Variants in NAV2 observed in about 807,000 individuals in gnomAD.
NAV2 encodes the protein helicase, APC down-regulated 1.
In NAV2, 54 loss-of-function variants were observed where a neutral mutation model predicts 223.2. The observed-to-expected ratio is 0.24, with a 90% CI of 0.19 to 0.30. The LOEUF (loss-of-function observed/expected upper bound fraction) is 0.30. Ranked by LOEUF, NAV2 falls within the 10% of genes least tolerant of loss-of-function variation. The probability of loss-of-function intolerance (pLI) is 1.00; values close to 1 mark genes in which losing one functional copy is unlikely to be tolerated. For missense variants in NAV2, 2,806 were observed against 3,147.5 expected, an observed-to-expected ratio of 0.89 and a Z score of 2.60; for synonymous variants, 1,279 against 1,239.3, an observed-to-expected ratio of 1.03 and a Z score of -0.67.
intron 1 of NAV2, among the ~76,000 whole-genome samples, chr11:19,445,330 C>G (rs1851544690): frequency 6.6e-6 from 1 of 152,082 alleles, no homozygotes; most frequent in South Asian, 2.1e-4. Flanking sequence ...GCAGGTAGAG[C>G]ACTGTGCTGG....
chr11:19,851,074 A>G (rs2061092189), intron 3 of NAV2, among the ~76,000 whole-genome samples: 1 of 152,174 alleles, frequency 6.6e-6, no homozygotes, highest in Admixed American at 6.5e-5. Context: ...ACTGGTTTAG[A>G]TATTTTATCT....
chr11:20,021,480 A>C (rs948336998), intron 11 of NAV2, among the ~76,000 whole-genome samples: 1 of 152,198 alleles, frequency 6.6e-6, no homozygotes, highest in African/African-American at 2.4e-5. Flanking sequence ...CTCCATACAC[A>C]CAATCACCAT....
Position 19,416,582 on chromosome 11 carries a change from T to C in NAV2, c.75+65555T>C, listed in dbSNP as rs1415232645. On this transcript the variant is annotated intron_variant, in intron 1 of 37. Transcript: ENST00000360655. Reference sequence around the variant, plus strand: ...GCTACCATTGACTTTCTTCACAGAATTAGAAAAAAACTACTTTAAATTTCA... The same window carrying C: ...GCTACCATTGACTTTCTTCACAGAACTAGAAAAAAACTACTTTAAATTTCA... 2.6e-5 allele frequency among the ~76,000 whole-genome samples: 4 copies of C among 152,288 alleles called. No individual in the cohort carries two copies. The South Asian group carries it at 8.3e-4, about 32-fold the overall frequency.
At chr11:20,072,938 G>T (rs1376578884) in intron 22 of NAV2, among the ~76,000 whole-genome samples, 1 of 152,112 alleles carries the variant, frequency 6.6e-6, no homozygotes, top group Non-Finnish European at 1.5e-5. Flanking sequence ...TCCTTCTCTT[G>T]CTTGATTGCC....
intron 1 of NAV2, among the ~76,000 whole-genome samples, chr11:19,442,438 A>G (rs1265456248): frequency 6.6e-6 from 1 of 152,274 alleles, no homozygotes; most frequent in Non-Finnish European, 1.5e-5. Flanking sequence ...GGAATCACTC[A>G]AAACCAAAGG....
In NAV2 at chr11:20,054,115, A is replaced by G. The variant is rs202037355; in HGVS notation, c.4517A>G (p.Asp1506Gly). Reference sequence around the variant, plus strand: ...ACCTCCCAGCTTCGCACGCAAGAAGATGCAAAAGAATGGTTACGGTCCCAT... The same window carrying G: ...ACCTCCCAGCTTCGCACGCAAGAAGGTGCAAAAGAATGGTTACGGTCCCAT... The part of the protein sequence containing the change: ...TPTSQLRTQE[D>G]AKEWLRSHSA... The change falls in exon 18 of 38, where the codon GAT becomes GGT. Residue 1506 changes from aspartate to glycine, a missense_variant. Coordinates refer to ENST00000349880, the MANE Select transcript of NAV2 (RefSeq NM_145117.5). 1,582 of 1,612,724 alleles carry G rather than the reference A, an allele frequency of 9.8e-4. 2 individuals are homozygous for G. The highest frequency in any genetic ancestry group is 1.2e-3 in the Non-Finnish European group (1,426 of 1,179,786).
chr11:19,670,199 A>G (rs900726140), intron 1 of NAV2, among the ~76,000 whole-genome samples: 5 of 152,172 alleles, frequency 3.3e-5, no homozygotes, highest in South Asian at 4.1e-4. Context: ...CACTCACAGC[A>G]GTGACTCCCA....
At chr11:20,005,399 C>T (rs1052358774) in intron 11 of NAV2, among the ~76,000 whole-genome samples, 1 of 151,730 alleles carries the variant, frequency 6.6e-6, no homozygotes, top group Non-Finnish European at 1.5e-5. Context: ...GCGTCTGCCA[C>T]CAAGCCCAGC....
chr11:19,743,919 G>A (rs2053093728), intron 1 of NAV2, among the ~76,000 whole-genome samples: 1 of 152,208 alleles, frequency 6.6e-6, no homozygotes. Flanking sequence ...CTAATGCTAA[G>A]CCCATCTCAC....
chr11:19,744,240 A>T (rs11025233), intron 1 of NAV2, among the ~76,000 whole-genome samples: 16,828 of 152,124 alleles, frequency 0.11, 1,085 homozygotes, highest in East Asian at 0.23. Context: ...CCAGAAAGAG[A>T]CCTGGAGTGA....
intron 5 of NAV2, among the ~76,000 whole-genome samples, 190 bp downstream of exon 5, chr11:19,880,317 A>C (rs1466413637): frequency 6.6e-6 from 1 of 152,116 alleles, no homozygotes; most frequent in Non-Finnish European, 1.5e-5. Context: ...TCTGGCAGAG[A>C]TGTATACTTT....
chr11:19,769,883 AC>A (rs1330418628), intron 1 of NAV2, among the ~76,000 whole-genome samples: 1 of 152,186 alleles, frequency 6.6e-6, no homozygotes, highest in East Asian at 1.9e-4. Flanking sequence ...TTCCCAGGAA[AC>A]ATAGACCACA....
intron 1 of NAV2, among the ~76,000 whole-genome samples, chr11:19,410,762 G>C (rs991728160): frequency 4.6e-5 from 7 of 152,180 alleles, no homozygotes; most frequent in African/African-American, 1.7e-4. Flanking sequence ...AGGGATCATG[G>C]GGAAGAAGAA....
rs1383845514 is a variant in NAV2, at chr11:20,119,822, A to G, written c.*1564A>G. On this transcript the variant is annotated 3_prime_UTR_variant, in exon 38 of 38. Coordinates refer to ENST00000349880, the MANE Select transcript of NAV2 (RefSeq NM_145117.5). ...GTGGATGCGTGACCATGGGAAAAAGAAAAAAAAAAAGATCCATTTTTTAGG... is the reference window on the plus strand; with the variant it reads ...GTGGATGCGTGACCATGGGAAAAAGGAAAAAAAAAAGATCCATTTTTTAGG... 2 of 147,524 alleles carry G rather than the reference A, an allele frequency of 1.4e-5. No individual in the cohort carries two copies. Among genetic ancestry groups the G allele is most frequent in the Admixed American group, 6.8e-5 (1 of 14,666 alleles). The allele number at this position is 147,524 out of a possible 1,614,324, so 9.1% of individuals were successfully genotyped here.
intron 1 of NAV2, among the ~76,000 whole-genome samples, chr11:19,766,243 CTG>C (rs1362920483): frequency 6.6e-6 from 1 of 152,082 alleles, no homozygotes; most frequent in East Asian, 1.9e-4. Context: ...CCGGTTGGCT[CTG>C]TGTAATGCAA....
intron 13 of NAV2, among the ~76,000 whole-genome samples, chr11:20,044,481 T>C (rs1402887295): frequency 6.6e-6 from 1 of 152,244 alleles, no homozygotes; most frequent in Non-Finnish European, 1.5e-5. Flanking sequence ...ATGGTTCGGC[T>C]GCTGAGACAT....
At chr11:19,760,979 G>A (rs1590353882) in intron 1 of NAV2, among the ~76,000 whole-genome samples, 1 of 152,076 alleles carries the variant, frequency 6.6e-6, no homozygotes, top group African/African-American at 2.4e-5. Context: ...CTTCTGTTTC[G>A]GGGAATAAAG....
chr11:19,959,647 T>C lies in NAV2; in HGVS notation c.2645+10567T>C, dbSNP rs992040168. On this transcript the variant is annotated intron_variant, in intron 10 of 37. Transcript: ENST00000349880. ...ATCTGATATAACCAAATTCAGCGCATCGTGCAGGATAAAAGTACTTAACAT... is the reference window on the plus strand; with the variant it reads ...ATCTGATATAACCAAATTCAGCGCACCGTGCAGGATAAAAGTACTTAACAT... Among the ~76,000 whole-genome samples, 14 of 152,300 alleles carry C rather than the reference T, an allele frequency of 9.2e-5. 1 individual carries two copies. In the East Asian group the frequency reaches 2.3e-3, roughly 25 times the overall value.
chr11:19,872,852 C>T (rs567496815), intron 4 of NAV2, among the ~76,000 whole-genome samples: 2 of 152,352 alleles, frequency 1.3e-5, no homozygotes, highest in African/African-American at 4.8e-5. Context: ...TGGACTAGGC[C>T]TCCCTGCCCT....
Sources: allele counts gnomAD v4.1 joint callset (sites outside exome capture counted in the v4.1 genomes callset), GRCh38; gene constraint gnomAD v4.1.1; transcripts MANE v1.5; gene names NCBI Gene and HGNC (gene_info 2026-07-23, HGNC 2026-07-21).